PCDHGB4: variants seen among roughly 807,000 people sequenced by gnomAD.
PCDHGB4 encodes the protein protocadherin gamma-B4.
In PCDHGB4, 38 loss-of-function variants were observed where a neutral mutation model predicts 60.5. That is an observed-to-expected ratio of 0.63 (90% CI 0.48 to 0.82). The LOEUF (loss-of-function observed/expected upper bound fraction) is 0.82. PCDHGB4 is among the 40% of genes least tolerant of loss of function. The pLI is 0.00. For missense variants in PCDHGB4, 1,109 were observed against 1,209.6 expected (o/e 0.92, Z 1.23); for synonymous variants, 456 against 509.7 (o/e 0.89, Z 1.42).
At chr5:141,423,091 G>C (rs1243671863) in intron 1 of PCDHGB4, 11 of 1,613,908 alleles carry the variant, frequency 6.8e-6, no homozygotes, top group South Asian at 2.2e-5. Context: ...CGCGGTGGGG[G>C]AGCACACGGG....
chr5:141,409,338 A>C, intron 1 of PCDHGB4: 5 of 1,614,002 alleles, frequency 3.1e-6, no homozygotes, highest in Non-Finnish European at 4.2e-6. Flanking sequence ...TTCGGAGGAA[A>C]TGGAGAAGTC....
At chr5:141,398,009 C>T (rs1589315775) in intron 1 of PCDHGB4, 2 of 1,400,564 alleles carry the variant, frequency 1.4e-6, no homozygotes, top group Non-Finnish European at 1.9e-6. Flanking sequence ...GAAAAAGAAT[C>T]GTTTCCTAAA....
At chr5:141,456,635 A>G (rs558958846) in intron 1 of PCDHGB4, among the ~76,000 whole-genome samples, 17 of 152,194 alleles carry the variant, frequency 1.1e-4, no homozygotes, top group Non-Finnish European at 2.2e-4. Context: ...CTTCTTTACT[A>G]CAGGTGTTAA....
chr5:141,492,962 C>T (rs1197532146), intron 1 of PCDHGB4, among the ~76,000 whole-genome samples: 2 of 152,258 alleles, frequency 1.3e-5, no homozygotes, highest in Non-Finnish European at 2.9e-5. Context: ...CTATCTGACA[C>T]TCTAACAAGT....
intron 1 of PCDHGB4, chr5:141,415,577 C>G (rs776744277): frequency 2.5e-6 from 4 of 1,613,744 alleles, no homozygotes; most frequent in South Asian, 2.2e-5. Flanking sequence ...TTAGATGATT[C>G]GAAGTTTCCT....
intron 1 of PCDHGB4, among the ~76,000 whole-genome samples, chr5:141,457,620 A>G (rs2098925834): frequency 6.6e-6 from 1 of 152,234 alleles, no homozygotes; most frequent in Admixed American, 6.5e-5. Flanking sequence ...ATGAACTTTA[A>G]TCTTATACTT....
intron 1 of PCDHGB4, among the ~76,000 whole-genome samples, chr5:141,446,827 C>A (rs922071842): frequency 6.6e-6 from 1 of 152,114 alleles, no homozygotes; most frequent in Non-Finnish European, 1.5e-5. Context: ...TGGGTAGATC[C>A]TTATAAGGCT....
At chr5:141,422,683 G>A in intron 1 of PCDHGB4, 1 of 1,605,286 alleles carries the variant, frequency 6.2e-7, no homozygotes, top group Non-Finnish European at 8.5e-7. Flanking sequence ...CAAACAGAAT[G>A]CCCTGGTCAC....
chr5:141,439,556 C>A (rs543620281), intron 1 of PCDHGB4, among the ~76,000 whole-genome samples: 1 of 152,268 alleles, frequency 6.6e-6, no homozygotes, highest in East Asian at 1.9e-4. Context: ...CTTCAGGCTG[C>A]AGTTCTAGAG....
In PCDHGB4 at chr5:141,430,843, C is replaced by T. The variant is rs1370427603; in HGVS notation, c.2397+40562C>T. 2.6e-6 allele frequency: 4 copies of T among 1,568,356 alleles called. No homozygotes were observed. The African/African-American group carries it at 4.1e-5, about 16-fold the overall frequency. On this transcript the variant is annotated intron_variant, in intron 1 of 3. Coordinates refer to ENST00000519479, the MANE Select transcript of PCDHGB4 (RefSeq NM_003736.4). ...TGGGGACTCTGTGGGAGACCGGATG[C>T]ACCCAGATACGCTATTCAGTTCCGG...
chr5:141,392,360 CAATCTGATCATTCTGATCT>C (rs1372415416), intron 1 of PCDHGB4: 2 of 152,712 alleles, frequency 1.3e-5, no homozygotes, highest in Non-Finnish European at 2.9e-5. Context: ...TCCGATGCTA[CAATCTGATCATTCTGATCT>C]AATCTGATCA....
chr5:141,389,843 G>A lies in PCDHGB4; in HGVS notation c.1959G>A (p.Ser653=), dbSNP rs372102656. Residue 653 remains serine, a synonymous_variant, in exon 1 of 4, where the codon TCG becomes TCA. Transcript: ENST00000519479. ...GTGACGGTGGACAGCCACCACTCTC[G>A]GCCACTGCCACGTTGCACCTGGTCT... is the stretch of plus-strand genomic sequence containing the variant. ...AVRDGGQPPL[S]ATATLHLVFA... is the part of the protein sequence containing the mutation. The A allele has an allele frequency of 3.7e-6, 6 of 1,613,898 alleles. 1 individual carries two copies. The highest frequency in any genetic ancestry group is 2.7e-5 in the African/African-American group (2 of 74,948).
intron 1 of PCDHGB4, chr5:141,421,458 T>C (rs2096575080): frequency 6.2e-7 from 1 of 1,614,122 alleles, no homozygotes; most frequent in Non-Finnish European, 8.5e-7. Flanking sequence ...AGCTTTTCGC[T>C]GTGAATCCGC....
chr5:141,508,928 G>A (rs1475005703), intron 3 of PCDHGB4, among the ~76,000 whole-genome samples: 1 of 152,076 alleles, frequency 6.6e-6, no homozygotes, highest in East Asian at 1.9e-4. Flanking sequence ...TCCTTTTGGA[G>A]TTAATTAGGG....
At chr5:141,395,135 C>A (rs2093181761) in intron 1 of PCDHGB4, 3 of 1,614,104 alleles carry the variant, frequency 1.9e-6, no homozygotes, top group Non-Finnish European at 2.5e-6. Flanking sequence ...CCCAGCCCAA[C>A]TACGCAGACA....
chr5:141,484,845 G>T (rs541372844), intron 1 of PCDHGB4, among the ~76,000 whole-genome samples: 10 of 152,076 alleles, frequency 6.6e-5, no homozygotes, highest in Admixed American at 2.6e-4. Flanking sequence ...GATAGGCTGG[G>T]TTTTTTGGGG....
intron 1 of PCDHGB4, chr5:141,422,772 C>A: frequency 6.2e-7 from 1 of 1,613,922 alleles, no homozygotes. Flanking sequence ...CTGGTGTTCT[C>A]TATGCCCTAC....
Position 141,391,341 on chromosome 5 carries a change from CTCTG to C in PCDHGB4, c.2397+1066_2397+1069del, listed in dbSNP as rs1256271403. Reference sequence around the variant, plus strand: ...TCTTTTTTTTTTTTTGAGACAGAGTCTCTGTCTGTTACTCAGGCTGTAGTGCAGT... The same window carrying C: ...TCTTTTTTTTTTTTTGAGACAGAGTCTCTGTTACTCAGGCTGTAGTGCAGT... On this transcript the variant is annotated intron_variant, in intron 1 of 3. Transcript: ENST00000519479. 2.1e-5 allele frequency: 3 copies of C among 145,162 alleles called. No individual in the cohort carries two copies. In the South Asian group the frequency reaches 6.5e-4, roughly 32 times the overall value. The allele number at this position is 145,162 out of a possible 1,614,324, so 9.0% of individuals were successfully genotyped here.
chr5:141,428,091 T>A lies in PCDHGB4; in HGVS notation c.2397+37810T>A, dbSNP rs769710543. 1.1e-5 allele frequency: 17 copies of A among 1,609,000 alleles called. No homozygotes were observed. In the African/African-American group the frequency reaches 1.5e-4, roughly 14 times the overall value. On this transcript the variant is annotated intron_variant, in intron 1 of 3. Transcript: ENST00000519479. ...AGATTCGGGACACAACGCTTGGCTGTCCTACCACGTGCTGCAGGCCATCGA... is the reference window on the plus strand; with the variant it reads ...AGATTCGGGACACAACGCTTGGCTGACCTACCACGTGCTGCAGGCCATCGA...
Sources: allele counts gnomAD v4.1 joint callset (sites outside exome capture counted in the v4.1 genomes callset), GRCh38; gene constraint gnomAD v4.1.1; transcripts MANE v1.5; gene names NCBI Gene and HGNC (gene_info 2026-07-23, HGNC 2026-07-21).